The following NEGR1 variants were observed in gnomAD, a reference collection of about 807,000 sequenced individuals.
NEGR1 encodes neuronal growth regulator 1, also known as IgLON family member 4.
In NEGR1, 10 loss-of-function variants were observed where a neutral mutation model predicts 40.9. That is an observed-to-expected ratio of 0.24 (90% confidence interval 0.15 to 0.42). NEGR1 has a LOEUF of 0.42. NEGR1 is among the 10% of genes least tolerant of loss of function. The probability of loss-of-function intolerance (pLI) is 1.00; values close to 1 mark genes in which losing one functional copy is unlikely to be tolerated. For synonymous variants in NEGR1, 185 were observed against 166.8 expected, an observed-to-expected ratio of 1.11 and a Z score of -0.84; for missense variants, 352 against 438.9, an observed-to-expected ratio of 0.80 and a Z score of 1.77.
chr1:71,681,296 G>T (rs1410186748), intron 4 of NEGR1, among the ~76,000 whole-genome samples: 1 of 152,180 alleles, frequency 6.6e-6, no homozygotes, highest in Non-Finnish European at 1.5e-5. Context: ...AAACATTTAT[G>T]TCAAATGGTG....
intron 1 of NEGR1, among the ~76,000 whole-genome samples, chr1:72,135,375 C>CAAAAAAAAAAAAAAAAAA (rs71074819): frequency 4.2e-5 from 3 of 71,376 alleles, no homozygotes; most frequent in Admixed American, 1.8e-4. Flanking sequence ...GACTCCGTCT[C>CAAAAAAAAAAAAAAAAAA]AAAAAAAAAA....
intron 6 of NEGR1, among the ~76,000 whole-genome samples, chr1:71,545,789 A>C (rs1306619028): frequency 6.6e-6 from 1 of 151,672 alleles, no homozygotes; most frequent in African/African-American, 2.4e-5. Context: ...AGCCCATTGA[A>C]GCAGAACTCT....
chr1:72,185,772 C>G (rs1349113790), intron 1 of NEGR1, among the ~76,000 whole-genome samples: 1 of 151,740 alleles, frequency 6.6e-6, no homozygotes, highest in African/African-American at 2.4e-5. Context: ...AGATGTTGCT[C>G]AGGTCTATAA....
rs559918853 is a variant in NEGR1 at position 71,503,653 on chromosome 1, GC to G, written c.940+89163del. Among the ~76,000 whole-genome samples, 635 of 152,206 alleles carry G rather than the reference GC, an allele frequency of 4.2e-3. 1 individual carries two copies. Among genetic ancestry groups the G allele is most frequent in the Non-Finnish European group, 7.1e-3 (484 of 68,008 alleles). On this transcript the variant is annotated intron_variant, in intron 6 of 6. Coordinates refer to ENST00000357731, the MANE Select transcript of NEGR1 (RefSeq NM_173808.3). ...AGTTCCCATAGACAGGGAGAGATTG[GC>G]TTTGTAAGTGCTCCTCTTACAAGTA... is the stretch of plus-strand genomic sequence containing the variant.
In NEGR1 at chr1:71,698,118, T is replaced by A; in HGVS notation, c.557A>T (p.Gln186Leu). The A allele has an allele frequency of 6.2e-7, 1 of 1,610,824 alleles. No individual in the cohort carries two copies. Among genetic ancestry groups the A allele is most frequent in the Non-Finnish European group, 8.5e-7 (1 of 1,177,888 alleles). Residue 186 changes from glutamine (Q) to leucine (L), a missense_variant, in exon 4 of 7, where the codon CAA (glutamine) becomes CTA (leucine). By Grantham distance (113) the Gln-to-Leu change is moderately radical. Around this residue, in one of 5 missense-constraint regions of NEGR1, gnomAD observed 184 missense variants for 208.7 expected, o/e 0.88. Transcript: ENST00000357731. ...TGTAATTCCATAAATGTCCAAATAT[T>A]GTCCATTTTCAAATGGTTTTGCTAT... ...SPSAKPFENG[Q>L]YLDIYGITRD...
At position 71,638,980 on chromosome 1, in the gene NEGR1, G is replaced by GAATAA. The variant is rs199573293; in HGVS notation, c.668-27839_668-27835dup. Among the ~76,000 whole-genome samples, 1,234 of 151,386 alleles carry GAATAA rather than the reference G, an allele frequency of 8.2e-3. 9 individuals are homozygous for GAATAA. The highest frequency in any genetic ancestry group is 0.02 in the Admixed American group (300 of 15,138). On this transcript the variant is annotated intron_variant, in intron 4 of 6. Transcript: ENST00000357731. ...TCATTTCACCTATCACAAGGAGGAA[G>GAATAA]AATAAAATAAAATAAAATAAAATAA... is the stretch of plus-strand genomic sequence containing the variant.
intron 3 of NEGR1, among the ~76,000 whole-genome samples, chr1:71,721,607 GT>G (rs1222200251): frequency 6.6e-6 from 1 of 152,134 alleles, no homozygotes; most frequent in Non-Finnish European, 1.5e-5. Flanking sequence ...AATTCTTTGT[GT>G]GTGTGGCTGT....
At chr1:71,845,201 T>G (rs1343472859) in intron 2 of NEGR1, among the ~76,000 whole-genome samples, 2 of 152,136 alleles carry the variant, frequency 1.3e-5, no homozygotes, top group African/African-American at 4.8e-5. Flanking sequence ...TAGCTTAATT[T>G]TTGTTTTTAT....
intron 4 of NEGR1, among the ~76,000 whole-genome samples, chr1:71,640,593 T>C (rs1352115609): frequency 6.6e-6 from 1 of 151,986 alleles, no homozygotes; most frequent in Non-Finnish European, 1.5e-5. Context: ...AAGAAGACAG[T>C]CACTTGAAAA....
intron 1 of NEGR1, among the ~76,000 whole-genome samples, chr1:72,175,665 G>A (rs541299578): frequency 2.2e-4 from 34 of 151,562 alleles, no homozygotes; most frequent in Middle Eastern, 6.9e-3. Context: ...TCAAGCATGT[G>A]TTTAAACTAG....
At chr1:71,928,188 G>A (rs1645804920) in intron 2 of NEGR1, among the ~76,000 whole-genome samples, 1 of 34,966 alleles carries the variant, frequency 2.9e-5, no homozygotes, top group African/African-American at 2.1e-4. Context: ...ACACACATAT[G>A]TATATACGTA....
chr1:71,519,771 C>G (rs1420161810), intron 6 of NEGR1, among the ~76,000 whole-genome samples: 1 of 148,874 alleles, frequency 6.7e-6, no homozygotes, highest in African/African-American at 2.5e-5. Flanking sequence ...AAAGATCACA[C>G]AGCAAGTGAA....
intron 6 of NEGR1, among the ~76,000 whole-genome samples, chr1:71,478,771 G>C (rs960710457): frequency 6.6e-6 from 1 of 151,728 alleles, no homozygotes; most frequent in East Asian, 2.0e-4. Context: ...CTGTAACTGG[G>C]TTATTATTTT....
intron 6 of NEGR1, among the ~76,000 whole-genome samples, chr1:71,568,042 A>G (rs1648679720): frequency 6.6e-6 from 1 of 152,174 alleles, no homozygotes; most frequent in Non-Finnish European, 1.5e-5. Context: ...AGCAGCCCAA[A>G]CTAAGACAAT....
chr1:72,033,087 T>G (rs890722635), intron 1 of NEGR1, among the ~76,000 whole-genome samples: 2 of 152,234 alleles, frequency 1.3e-5, no homozygotes, highest in East Asian at 3.9e-4. Context: ...AGAATCAAAA[T>G]TTTCTACTAG....
At chr1:72,094,717 T>C (rs1286677775) in intron 1 of NEGR1, among the ~76,000 whole-genome samples, 1 of 152,232 alleles carries the variant, frequency 6.6e-6, no homozygotes, top group Non-Finnish European at 1.5e-5. Context: ...AGAAACCTGC[T>C]GTCTACCCAA....
intron 1 of NEGR1, among the ~76,000 whole-genome samples, chr1:72,082,165 C>A (rs972776704): frequency 5.9e-5 from 9 of 152,056 alleles, no homozygotes; most frequent in African/African-American, 2.2e-4. Flanking sequence ...CTCCACTCTT[C>A]CAGGTTAAGA....
At chr1:71,627,645 A>G (rs1410358936) in intron 4 of NEGR1, among the ~76,000 whole-genome samples, 1 of 152,000 alleles carries the variant, frequency 6.6e-6, no homozygotes, top group Non-Finnish European at 1.5e-5. Context: ...CCTGTCATCA[A>G]TGGGGCTAAG....
intron 1 of NEGR1, among the ~76,000 whole-genome samples, chr1:72,281,458 A>AGTAAATGGT (rs1387508010): frequency 2.0e-5 from 3 of 151,992 alleles, no homozygotes; most frequent in Non-Finnish European, 1.5e-5. Context: ...TATGAGGGTG[A>AGTAAATGGT]GTAAATGGTA....
Sources: gnomAD v4.1 joint callset for allele counts (sites outside exome capture counted in the v4.1 genomes callset) on GRCh38, gnomAD v4.1.1 for gene constraint, gnomAD v4.1.1 regional missense constraint, MANE v1.5 for transcripts, NCBI Gene and HGNC (gene_info 2026-07-23, HGNC 2026-07-21) for gene names.